STAB2: variants seen among roughly 807,000 people sequenced by gnomAD.
The protein encoded by STAB2 is stabilin 2.
A neutral mutation model predicts 338.1 loss-of-function variants in STAB2; 288 were observed. The ratio of observed to expected loss-of-function variants is 0.85; its 90% confidence interval spans 0.77 to 0.94. STAB2 has a LOEUF of 0.94. Ranked by LOEUF, STAB2 falls within the 40% of genes least tolerant of loss-of-function variation. The pLI, the probability that STAB2 is intolerant of heterozygous loss-of-function variation, is 0.00. For missense variants in STAB2, 3,141 were observed against 3,210.1 expected (o/e 0.98, Z 0.52); for synonymous variants, 1,202 against 1,193.3 (o/e 1.01, Z -0.15).
intron 42 of STAB2, among the ~76,000 whole-genome samples, chr12:103,713,982 A>G (rs894203667): frequency 1.3e-5 from 2 of 152,216 alleles, no homozygotes; most frequent in East Asian, 1.9e-4. Context: ...AAGGAGATAC[A>G]TTTTCCAATT....
intron 12 of STAB2, 25 bp downstream of exon 12, chr12:103,652,730 C>A: frequency 6.5e-7 from 1 of 1,538,916 alleles, no homozygotes. Flanking sequence ...GATTTTCACT[C>A]CCAGAACTAA....
At position 103,654,956 on chromosome 12, in the gene STAB2, C is replaced by T. The variant is rs542235782; in HGVS notation, c.1551+258C>T. The T allele has an allele frequency of 2.4e-4, 131 of 535,458 alleles. 1 individual carries two copies. The South Asian group carries it at 4.0e-3, about 17-fold the overall frequency. The allele number at this position is 535,458 out of a possible 1,614,324, so 33.2% of individuals were successfully genotyped here. On this transcript the variant is annotated intron_variant, in intron 13 of 68. Coordinates refer to ENST00000388887, the MANE Select transcript of STAB2 (RefSeq NM_017564.10). ...TCTTTTATTACTGCATCAGGCAACT[C>T]AGTCCATGACCAATCATCATGAAAA...
Position 103,594,494 on chromosome 12 carries a change from G to C in STAB2, c.315G>C (p.Trp105Cys). The change falls in exon 3 of 69, where the codon TGG becomes TGC. Residue 105 changes from tryptophan (W) to cysteine (C), a missense_variant. Trp to Cys is a radical substitution (Grantham distance 215). Coordinates refer to ENST00000388887, the MANE Select transcript of STAB2 (RefSeq NM_017564.10). ...YLQPRCCPGR[W>C]GPDCIECPGG... is the part of the protein sequence containing the mutation. Reference sequence around the variant, plus strand: ...AACCTCGGTGTTGTCCTGGCCGCTGGGGCCCAGACTGTATAGGTAAGTGGC... The same window carrying C: ...AACCTCGGTGTTGTCCTGGCCGCTGCGGCCCAGACTGTATAGGTAAGTGGC... 1.2e-6 allele frequency: 2 copies of C among 1,613,724 alleles called. No homozygotes were observed. The highest frequency in any genetic ancestry group is 1.7e-6 in the Non-Finnish European group (2 of 1,179,718).
intron 3 of STAB2, among the ~76,000 whole-genome samples, chr12:103,606,184 A>G (rs1224200830): frequency 6.6e-6 from 1 of 152,156 alleles, no homozygotes; most frequent in Non-Finnish European, 1.5e-5. Context: ...TTTATGGAAT[A>G]AATCTTTAAC....
intron 15 of STAB2, among the ~76,000 whole-genome samples, chr12:103,656,241 C>A (rs1267768135): frequency 1.3e-5 from 2 of 152,228 alleles, no homozygotes; most frequent in Non-Finnish European, 2.9e-5. Flanking sequence ...AGTGGAATTA[C>A]ATGAAAGGTC....
chr12:103,701,100 G>C (rs1344626446), intron 34 of STAB2, among the ~76,000 whole-genome samples: 3 of 150,564 alleles, frequency 2.0e-5, no homozygotes, highest in African/African-American at 7.4e-5. Flanking sequence ...GAAAATATGC[G>C]GTGTTTGGTT....
rs1884984573 is a variant in STAB2, at chr12:103,766,626, T to G, written c.*290T>G. The G allele has an allele frequency of 2.7e-6, 1 of 369,356 alleles. No individual in the cohort carries two copies. The highest frequency in any genetic ancestry group is 5.0e-6 in the Non-Finnish European group (1 of 199,612). 22.9% of individuals were successfully genotyped at this position (369,356 alleles called of 1,614,324 possible). On this transcript the variant is annotated 3_prime_UTR_variant, in exon 69 of 69. Coordinates refer to ENST00000388887, the MANE Select transcript of STAB2 (RefSeq NM_017564.10). ...GGGTAACTGTGATCTTTCTTCCCTGTTAGATTGTAAGCCTCCGTCTTTGTA... is the reference window on the plus strand; with the variant it reads ...GGGTAACTGTGATCTTTCTTCCCTGGTAGATTGTAAGCCTCCGTCTTTGTA...
rs1555232506 is a variant in STAB2, at chr12:103,655,301, G to A, written c.1602G>A (p.Leu534=). The A allele has an allele frequency of 1.2e-6, 2 of 1,613,058 alleles. No homozygotes were observed. Residue 534 remains leucine, a synonymous_variant, in exon 14 of 69, where the codon TTG becomes TTA. Transcript: ENST00000388887. ...CAAGGTACAGCAAGTTCAGATCTTT[G>A]TTAGAGGTAAGCACTTTTCATAATT... ...LQPRYSKFRS[L]LEETNLGHAL...
rs148997361 is a variant in STAB2, at chr12:103,718,427, T to A, written c.4683+586T>A. ...AAGATCCAGTTCTAGATGCTCTGCA[T>A]TGAGCAGGGGTTCATATGGGGATAG... On this transcript the variant is annotated intron_variant, in intron 44 of 68. Transcript: ENST00000388887. Among the ~76,000 whole-genome samples, 931 of 152,260 alleles carry A rather than the reference T, an allele frequency of 6.1e-3. 7 individuals are homozygous for A. Among genetic ancestry groups the A allele is most frequent in the African/African-American group, 0.021 (880 of 41,556 alleles).
chr12:103,673,298 C>A (rs978882317), intron 22 of STAB2, among the ~76,000 whole-genome samples: 3 of 152,046 alleles, frequency 2.0e-5, no homozygotes, highest in African/African-American at 7.2e-5. Flanking sequence ...TCCTCTTCCC[C>A]ACACCCCACA....
At chr12:103,627,094 C>T (rs1308135708) in intron 5 of STAB2, among the ~76,000 whole-genome samples, 1 of 152,166 alleles carries the variant, frequency 6.6e-6, no homozygotes, top group African/African-American at 2.4e-5. Context: ...GGGGGTTCTC[C>T]TTTTACGGAT....
At chr12:103,595,791 A>G (rs1202960196) in intron 3 of STAB2, among the ~76,000 whole-genome samples, 1 of 152,208 alleles carries the variant, frequency 6.6e-6, no homozygotes, top group African/African-American at 2.4e-5. Flanking sequence ...TTCAAGTTCA[A>G]AGTTGCCTGG....
intron 51 of STAB2, among the ~76,000 whole-genome samples, chr12:103,735,009 A>G (rs1881997021): frequency 6.6e-6 from 1 of 152,168 alleles, no homozygotes; most frequent in African/African-American, 2.4e-5. Context: ...AAACTAGATT[A>G]AGAGTCCACT....
intron 9 of STAB2, among the ~76,000 whole-genome samples, chr12:103,642,609 T>A (rs974786442): frequency 2.0e-5 from 3 of 152,194 alleles, no homozygotes; most frequent in Non-Finnish European, 4.4e-5. Flanking sequence ...CAGATGTGTT[T>A]CCAGCAGTTT....
intron 56 of STAB2, among the ~76,000 whole-genome samples, chr12:103,744,205 G>A (rs775352342): frequency 6.6e-6 from 1 of 151,954 alleles, no homozygotes; most frequent in South Asian, 2.1e-4. Flanking sequence ...ATACAGTGGC[G>A]GGATTATGGC....
At chr12:103,750,508 C>T (rs1883532610) in intron 59 of STAB2, 71 bp from the exon 60 acceptor site, 5 of 1,585,634 alleles carry the variant, frequency 3.2e-6, no homozygotes, top group Non-Finnish European at 4.3e-6. Flanking sequence ...GACATTGGTC[C>T]CATGGGCACT....
chr12:103,752,455 T>C (rs1220906381), intron 60 of STAB2, among the ~76,000 whole-genome samples: 1 of 152,232 alleles, frequency 6.6e-6, no homozygotes, highest in Non-Finnish European at 1.5e-5. Context: ...AACTTGACAA[T>C]ATAAAAATGT....
chr12:103,750,674 T>C lies in STAB2; in HGVS notation c.6534T>C (p.Asn2178=), dbSNP rs773964758. Residue 2178 remains asparagine (N), a synonymous_variant, in exon 60 of 69, where the codon AAT becomes AAC. Coordinates refer to ENST00000388887, the MANE Select transcript of STAB2 (RefSeq NM_017564.10). Reference sequence around the variant, plus strand: ...CCATTGACCGCTGCTTACAGGACAATGGGCAGTGCCATGCAGACGCCAAAT... The same window carrying C: ...CCATTGACCGCTGCTTACAGGACAACGGGCAGTGCCATGCAGACGCCAAAT... ...QLPIDRCLQD[N]GQCHADAKCV... 1.1e-5 allele frequency: 18 copies of C among 1,614,226 alleles called. No individual in the cohort carries two copies. The highest frequency in any genetic ancestry group is 1.4e-5 in the Non-Finnish European group (17 of 1,180,026).
chr12:103,755,023 A>G (rs1883987361), intron 61 of STAB2: 6 of 410,414 alleles, frequency 1.5e-5, no homozygotes, highest in Non-Finnish European at 2.7e-5. Context: ...CCTAGTATCA[A>G]TGGATGACAG....
Sources: allele counts gnomAD v4.1 joint callset (sites outside exome capture counted in the v4.1 genomes callset), GRCh38; gene constraint gnomAD v4.1.1; transcripts MANE v1.5; gene names NCBI Gene and HGNC (gene_info 2026-07-23, HGNC 2026-07-21).